Variants in FRMD4A observed in about 807,000 individuals in gnomAD.
The protein encoded by FRMD4A is FERM domain containing 4A.
A neutral mutation model predicts 129.1 loss-of-function variants in FRMD4A; 29 were observed. The ratio of observed to expected loss-of-function variants is 0.22; its 90% CI spans 0.17 to 0.31. FRMD4A has a LOEUF of 0.31. Ranked by LOEUF, FRMD4A falls within the 10% of genes least tolerant of loss-of-function variation. The pLI is 1.00. For missense variants in FRMD4A, 1,272 were observed against 1,375.8 expected, an observed-to-expected ratio of 0.92 and a Z score of 1.19; for synonymous variants, 634 against 571.6, an observed-to-expected ratio of 1.11 and a Z score of -1.56.
At chr10:14,039,518 C>G (rs1046445501) in intron 2 of FRMD4A, among the ~76,000 whole-genome samples, 1 of 143,374 alleles carries the variant, frequency 7.0e-6, no homozygotes, top group Non-Finnish European at 1.5e-5. Context: ...ATCTATCTAT[C>G]TATCATCTTG....
chr10:13,663,722 G>A (rs2082809023), intron 18 of FRMD4A, among the ~76,000 whole-genome samples: 1 of 152,064 alleles, frequency 6.6e-6, no homozygotes, highest in African/African-American at 2.4e-5. Context: ...ACTGCCATGT[G>A]CCCATGTGCC....
intron 3 of FRMD4A, among the ~76,000 whole-genome samples, chr10:13,834,886 G>C (rs571304065): frequency 6.6e-6 from 1 of 152,128 alleles, no homozygotes; most frequent in Non-Finnish European, 1.5e-5. Flanking sequence ...TCTTACCTCC[G>C]AAATTCTTCT....
chr10:13,699,224 GTTTTTTT>G (rs1168489802), intron 14 of FRMD4A, among the ~76,000 whole-genome samples: 12 of 76,268 alleles, frequency 1.6e-4, no homozygotes, highest in Non-Finnish European at 2.2e-4. Context: ...CTTGGTTATT[GTTTTTTT>G]TTTTTTTTTT....
chr10:14,293,779 A>G (rs974408235), intron 2 of FRMD4A, among the ~76,000 whole-genome samples: 1 of 152,246 alleles, frequency 6.6e-6, no homozygotes. Context: ...CACAGGAAAC[A>G]TAATTCAAGA....
At chr10:14,189,670 A>G (rs1842257315) in intron 2 of FRMD4A, among the ~76,000 whole-genome samples, 1 of 152,218 alleles carries the variant, frequency 6.6e-6, no homozygotes, top group African/African-American at 2.4e-5. Context: ...ATCCTCTCCT[A>G]TAAAGAAAAA....
At chr10:14,081,426 C>T (rs1375203204) in intron 2 of FRMD4A, among the ~76,000 whole-genome samples, 1 of 152,110 alleles carries the variant, frequency 6.6e-6, no homozygotes, top group Non-Finnish European at 1.5e-5. Flanking sequence ...AACCCACTGC[C>T]CACTGAGATT....
At chr10:13,974,386 G>A (rs1001023414) in intron 2 of FRMD4A, among the ~76,000 whole-genome samples, 3 of 152,090 alleles carry the variant, frequency 2.0e-5, no homozygotes, top group East Asian at 1.9e-4. Flanking sequence ...GTCTGGAATC[G>A]GAGCCTGGTG....
intron 2 of FRMD4A, among the ~76,000 whole-genome samples, chr10:14,266,512 TG>T (rs1844985276): frequency 6.6e-6 from 1 of 151,234 alleles, no homozygotes; most frequent in African/African-American, 2.5e-5. Context: ...TGTGTGTGTG[TG>T]TGTGTGTGTG....
chr10:13,741,893 G>A (rs2091025119), intron 9 of FRMD4A, among the ~76,000 whole-genome samples: 1 of 152,188 alleles, frequency 6.6e-6, no homozygotes, highest in Non-Finnish European at 1.5e-5. Context: ...AGTCTCCCTT[G>A]TCACTCAGGC....
At position 14,291,095 on chromosome 10, in the gene FRMD4A, A is replaced by T. The variant is rs1001787435; in HGVS notation, c.45+38963T>A. ...ATACTATGAAGAAAGGGAAGATTCA[A>T]GTTAAACCAGGGAATTCCTTCCTAT... On this transcript the variant is annotated intron_variant, in intron 2 of 24. Transcript: ENST00000357447. Among the ~76,000 whole-genome samples the T allele has an allele frequency of 3.3e-5, 5 of 152,148 alleles. No individual in the cohort carries two copies. The East Asian group carries it at 7.7e-4, about 23-fold the overall frequency.
chr10:14,159,734 T>A (rs960502817), intron 2 of FRMD4A, among the ~76,000 whole-genome samples: 2 of 152,152 alleles, frequency 1.3e-5, no homozygotes, highest in African/African-American at 4.8e-5. Flanking sequence ...GCTAGAGGTA[T>A]CACCTGATGG....
At chr10:14,011,650 C>A (rs761577017) in intron 2 of FRMD4A, among the ~76,000 whole-genome samples, 1 of 152,008 alleles carries the variant, frequency 6.6e-6, no homozygotes, top group Non-Finnish European at 1.5e-5. Context: ...CTGGGCCAGC[C>A]CTGAGGGACC....
intron 2 of FRMD4A, among the ~76,000 whole-genome samples, chr10:14,023,331 AT>A (rs1832845213): frequency 4.6e-5 from 7 of 151,836 alleles, no homozygotes. Context: ...TTTTAAATTA[AT>A]AAAGAAAAAA....
chr10:14,102,217 A>G (rs896728817), intron 2 of FRMD4A, among the ~76,000 whole-genome samples: 2 of 152,186 alleles, frequency 1.3e-5, no homozygotes, highest in African/African-American at 4.8e-5. Context: ...CACAGCATGC[A>G]GCTTAATCAC....
intron 2 of FRMD4A, among the ~76,000 whole-genome samples, chr10:13,927,203 A>AGATC (rs2095142928): frequency 6.6e-6 from 1 of 151,998 alleles, no homozygotes; most frequent in Non-Finnish European, 1.5e-5. Flanking sequence ...GTTGGAGCTG[A>AGATC]GATCGTGCCA....
At chr10:13,844,285 C>T (rs2094011743) in intron 3 of FRMD4A, among the ~76,000 whole-genome samples, 1 of 152,142 alleles carries the variant, frequency 6.6e-6, no homozygotes, top group South Asian at 2.1e-4. Flanking sequence ...TAATGTTAAT[C>T]TCCCAAAGGT....
chr10:13,858,846 C>A lies in FRMD4A; in HGVS notation c.111+1G>T. 1.3e-6 allele frequency: 2 copies of A among 1,579,328 alleles called. No homozygotes were observed. Among genetic ancestry groups the A allele is most frequent in the Non-Finnish European group, 1.7e-6 (2 of 1,148,256 alleles). On this transcript the variant is annotated splice_donor_variant, in intron 3 of 24. Coordinates refer to ENST00000357447, the MANE Select transcript of FRMD4A (RefSeq NM_018027.5). LOFTEE classifies it high-confidence loss of function. The stretch of plus-strand genomic sequence containing the variant: ...CAGAAAGTTGACCAAAAGCGATTTA[C>A]CTGTACTAGGAGTTCCAGCTTCCTG...
At chr10:13,910,841 C>T (rs867685852) in intron 2 of FRMD4A, among the ~76,000 whole-genome samples, 8 of 138,508 alleles carry the variant, frequency 5.8e-5, no homozygotes, top group Admixed American at 7.8e-5. Context: ...CCAGAAACCA[C>T]GGCATCATTC....
At chr10:14,227,583 A>G (rs1312455008) in intron 2 of FRMD4A, among the ~76,000 whole-genome samples, 1 of 151,616 alleles carries the variant, frequency 6.6e-6, no homozygotes. Context: ...CCCCATTCCT[A>G]TGCTCTCAGC....
Sources: allele counts gnomAD v4.1 joint callset (sites outside exome capture counted in the v4.1 genomes callset), GRCh38; gene constraint gnomAD v4.1.1; transcripts MANE v1.5; gene names NCBI Gene and HGNC (gene_info 2026-07-23, HGNC 2026-07-21).